SMYD3: variants seen among roughly 807,000 people sequenced by gnomAD.
SMYD3 encodes SET and MYND domain containing 3.
SMYD3 carries 36 observed loss-of-function variants against 57.7 expected under a neutral mutation model. The observed-to-expected ratio is 0.62, with a 90% CI of 0.48 to 0.82. The LOEUF is 0.82. Among genes scored for constraint, SMYD3 ranks in the 40% least tolerant of loss-of-function variants. SMYD3 has a pLI of 0.00. For synonymous variants in SMYD3, 211 were observed against 195.0 expected, an observed-to-expected ratio of 1.08 and a Z score of -0.68; for missense variants, 515 against 538.8, an observed-to-expected ratio of 0.96 and a Z score of 0.44.
At chr1:246,329,826 G>T (rs187608385) in intron 4 of SMYD3, among the ~76,000 whole-genome samples, 1 of 152,246 alleles carries the variant, frequency 6.6e-6, no homozygotes, top group African/African-American at 2.4e-5. Context: ...TCTCCATCCA[G>T]AAGTATTAAA....
intron 5 of SMYD3, among the ~76,000 whole-genome samples, chr1:245,955,675 T>C (rs1218987342): frequency 1.3e-5 from 2 of 152,204 alleles, no homozygotes; most frequent in Admixed American, 6.5e-5. Context: ...TTAAACTTTA[T>C]TGTAAGTATG....
rs146880961 is a variant in SMYD3, at chr1:246,226,142, G to A, written c.531+101059C>T. ...TGCTCTATAAACCCGAACTCAAAGT[G>A]TAGCATTTTTACCTCCATAAATGTT... is the stretch of plus-strand genomic sequence containing the variant. On this transcript the variant is annotated intron_variant, in intron 5 of 11. Coordinates refer to ENST00000490107, the MANE Select transcript of SMYD3 (RefSeq NM_001167740.2). 2.7e-3 allele frequency among the ~76,000 whole-genome samples: 404 copies of A among 152,232 alleles called. 2 individuals carry two copies. Among genetic ancestry groups the A allele is most frequent in the Non-Finnish European group, 4.6e-3 (315 of 68,016 alleles).
At chr1:246,318,510 G>A (rs1030236302) in intron 5 of SMYD3, among the ~76,000 whole-genome samples, 3 of 152,156 alleles carry the variant, frequency 2.0e-5, no homozygotes, top group Non-Finnish European at 4.4e-5. Flanking sequence ...ATACAATGAA[G>A]GTTGCTAGGA....
intron 1 of SMYD3, among the ~76,000 whole-genome samples, chr1:246,503,399 C>G (rs1278051251): frequency 6.6e-6 from 1 of 152,186 alleles, no homozygotes; most frequent in Non-Finnish European, 1.5e-5. Context: ...AAACCAAAGA[C>G]AAACATACAG....
intron 5 of SMYD3, among the ~76,000 whole-genome samples, chr1:246,193,168 T>C (rs1354146545): frequency 6.6e-6 from 1 of 152,170 alleles, no homozygotes; most frequent in East Asian, 1.9e-4. Context: ...TACTACCAGT[T>C]AAGAAAATAT....
chr1:246,036,930 G>A (rs2059786197), intron 5 of SMYD3, among the ~76,000 whole-genome samples: 1 of 151,972 alleles, frequency 6.6e-6, no homozygotes, highest in Non-Finnish European at 1.5e-5. Flanking sequence ...TACTCTTAAT[G>A]GCATAACTGA....
chr1:246,333,035 A>C (rs1226892042), intron 3 of SMYD3, among the ~76,000 whole-genome samples: 1 of 152,182 alleles, frequency 6.6e-6, no homozygotes, highest in Non-Finnish European at 1.5e-5. Context: ...GAACAAGTGG[A>C]CTTTTTTTTA....
chr1:246,008,818 A>AC (rs1375267172), intron 5 of SMYD3, among the ~76,000 whole-genome samples: 11 of 152,292 alleles, frequency 7.2e-5, no homozygotes, highest in African/African-American at 2.6e-4. Context: ...CCCTATTAAG[A>AC]CACTAAACCA....
At position 245,927,957 on chromosome 1, in the gene SMYD3, C is replaced by T; in HGVS notation, c.676G>A (p.Val226Ile). Residue 226 changes from valine to isoleucine, a missense_variant, in exon 7 of 12, where the codon GTC becomes ATC. Physicochemically the swap from Val to Ile is conservative, Grantham distance 29. Transcript: ENST00000490107. ...FNGPHLLLRA[V>I]RDIEVGEELT... is the part of the protein sequence containing the mutation. The stretch of plus-strand genomic sequence containing the variant: ...TCCTCTCCCACCTCGATGTCTCGGA[C>T]TGCTCGCAGTAAGAGGTGGGGCCCA... 1 of 1,612,546 alleles carries T rather than the reference C, an allele frequency of 6.2e-7. No individual in the cohort carries two copies.
At chr1:246,326,642 T>C (rs1313316358) in intron 5 of SMYD3, 3 of 360,380 alleles carry the variant, frequency 8.3e-6, no homozygotes, top group East Asian at 9.8e-5. Context: ...CTCATGCCTG[T>C]AATCCCAGCT....
chr1:246,036,380 G>A (rs1044037065), intron 5 of SMYD3, among the ~76,000 whole-genome samples: 10 of 151,968 alleles, frequency 6.6e-5, no homozygotes, highest in East Asian at 5.8e-4. Context: ...ATCCACCCCC[G>A]CAGTCTCCTT....
intron 5 of SMYD3, among the ~76,000 whole-genome samples, chr1:246,054,475 G>C (rs2148334810): frequency 6.6e-6 from 1 of 152,332 alleles, no homozygotes; most frequent in South Asian, 2.1e-4. Context: ...AATGTTCACA[G>C]TGAATGTCCA....
chr1:246,482,831 C>G (rs1032898555), intron 1 of SMYD3, among the ~76,000 whole-genome samples: 3 of 152,206 alleles, frequency 2.0e-5, no homozygotes, highest in African/African-American at 4.8e-5. Flanking sequence ...AAACGTCCAA[C>G]AAGATCCTGG....
rs572952658 is a variant in SMYD3, at chr1:246,312,977, C to T, written c.531+14224G>A. 1.6e-4 allele frequency among the ~76,000 whole-genome samples: 25 copies of T among 152,196 alleles called. 1 individual carries two copies. Among genetic ancestry groups the T allele is most frequent in the Middle Eastern group, 3.4e-3 (1 of 294 alleles). ...TTACCCAGGCTGCAATGCAGTGGCA[C>T]GTTCTCGGCTCACTGCAACCTCTAC... On this transcript the variant is annotated intron_variant, in intron 5 of 11. Transcript: ENST00000490107.
At chr1:245,805,130 A>T (rs2048090377) in intron 10 of SMYD3, among the ~76,000 whole-genome samples, 1 of 152,174 alleles carries the variant, frequency 6.6e-6, no homozygotes, top group South Asian at 2.1e-4. Context: ...GGTAAAAGAA[A>T]ATAGAATTTC....
At chr1:246,426,861 A>G (rs2067226511) in intron 1 of SMYD3, among the ~76,000 whole-genome samples, 1 of 152,204 alleles carries the variant, frequency 6.6e-6, no homozygotes, top group Non-Finnish European at 1.5e-5. Context: ...TTCATCTACA[A>G]CAGGATAAAA....
chr1:246,020,025 A>C (rs1480828000), intron 5 of SMYD3, among the ~76,000 whole-genome samples: 1 of 152,212 alleles, frequency 6.6e-6, no homozygotes, highest in Admixed American at 6.5e-5. Flanking sequence ...AGAGTTTACT[A>C]TCATCTTCAC....
intron 5 of SMYD3, among the ~76,000 whole-genome samples, chr1:246,248,389 A>G (rs552813139): frequency 1.6e-4 from 25 of 152,100 alleles, no homozygotes; most frequent in Non-Finnish European, 3.4e-4. Context: ...GATCATCTCA[A>G]AATTGTTCAT....
rs1467658769 is a variant in SMYD3, at chr1:245,915,635, G to A, written c.708C>T (p.Thr236=). 6.2e-7 allele frequency: 1 copy of A among 1,611,414 alleles called. No homozygotes were observed. Among genetic ancestry groups the A allele is most frequent in the Non-Finnish European group, 8.5e-7 (1 of 1,177,742 alleles). Residue 236 remains threonine, a synonymous_variant, in exon 8 of 12, where the codon ACC becomes ACT. Transcript: ENST00000490107. ...TCATCAGCATATCCAGGTAGCAGAT[G>A]GTGAGCTGTGCAGGCCAGAGAGAGG... ...VRDIEVGEEL[T]ICYLDMLMTS...
Sources: allele counts gnomAD v4.1 joint callset (sites outside exome capture counted in the v4.1 genomes callset), GRCh38; gene constraint gnomAD v4.1.1; transcripts MANE v1.5; gene names NCBI Gene and HGNC (gene_info 2026-07-23, HGNC 2026-07-21).